The following SAMMSON variants were observed in gnomAD, a reference collection of about 807,000 sequenced individuals.
The protein encoded by SAMMSON is long intergenic non-protein coding RNA 1212.
intron 9 of SAMMSON, among the ~76,000 whole-genome samples, chr3:70,388,905 G>A (rs909145320): frequency 2.0e-5 from 3 of 152,098 alleles, no homozygotes; most frequent in African/African-American, 7.2e-5. Flanking sequence ...GTTGGGTCTA[G>A]TGGGAGGTGT....
intron 4 of SAMMSON, among the ~76,000 whole-genome samples, chr3:70,178,111 T>C (rs1701021897): frequency 6.6e-6 from 1 of 152,140 alleles, no homozygotes; most frequent in Non-Finnish European, 1.5e-5. Context: ...GCTGGGGATG[T>C]ATATCACCCC....
intron 9 of SAMMSON, among the ~76,000 whole-genome samples, chr3:70,372,830 C>T (rs1338706874): frequency 6.6e-6 from 1 of 152,150 alleles, no homozygotes; most frequent in Non-Finnish European, 1.5e-5. Flanking sequence ...CTAGCAGTTG[C>T]TCTAGCTGTG....
chr3:70,380,088 A>G (rs1703052581), intron 9 of SAMMSON, among the ~76,000 whole-genome samples: 1 of 152,128 alleles, frequency 6.6e-6, no homozygotes, highest in Non-Finnish European at 1.5e-5. Flanking sequence ...ACATTTATAT[A>G]AAGTGCTGGT....
intron 4 of SAMMSON, among the ~76,000 whole-genome samples, chr3:70,137,088 A>G (rs1424812559): frequency 6.6e-6 from 1 of 152,172 alleles, no homozygotes; most frequent in Admixed American, 6.6e-5. Context: ...CTCCCATCTT[A>G]CGTCCAATGG....
intron 1 of SAMMSON, among the ~76,000 whole-genome samples, chr3:70,003,835 T>C (rs984894817): frequency 6.6e-6 from 1 of 152,096 alleles, no homozygotes; most frequent in African/African-American, 2.4e-5. Flanking sequence ...CAAATTCTTC[T>C]AGTCTTTTAG....
chr3:70,283,284 G>A (rs1702106985), intron 6 of SAMMSON, among the ~76,000 whole-genome samples: 1 of 151,950 alleles, frequency 6.6e-6, no homozygotes, highest in Non-Finnish European at 1.5e-5. Context: ...ATTGCTTTTT[G>A]GTTGGTCTGT....
intron 6 of SAMMSON, among the ~76,000 whole-genome samples, chr3:70,270,688 A>G (rs1701967582): frequency 6.6e-6 from 1 of 152,166 alleles, no homozygotes; most frequent in Non-Finnish European, 1.5e-5. Context: ...AAAATACACC[A>G]TGGAATACTA....
chr3:70,023,941 CCA>C (rs1185982162), intron 3 of SAMMSON, among the ~76,000 whole-genome samples: 1 of 152,092 alleles, frequency 6.6e-6, no homozygotes, highest in East Asian at 1.9e-4. Context: ...CCCAGAATGC[CCA>C]CAGTTTTTCC....
intron 7 of SAMMSON, among the ~76,000 whole-genome samples, chr3:70,322,613 G>T (rs1237843009): frequency 6.6e-6 from 1 of 152,078 alleles, no homozygotes; most frequent in Non-Finnish European, 1.5e-5. Flanking sequence ...CTTAAAGCAG[G>T]ATATTTAAAT....
At chr3:70,075,882 G>GTTT (rs11456171) in intron 4 of SAMMSON, among the ~76,000 whole-genome samples, 146 of 140,320 alleles carry the variant, frequency 1.0e-3, no homozygotes, top group African/African-American at 2.5e-3. Context: ...TTCGATACCT[G>GTTT]TTTTTTTTTT....
At chr3:70,079,596 T>G (rs993786493) in intron 4 of SAMMSON, among the ~76,000 whole-genome samples, 1 of 152,188 alleles carries the variant, frequency 6.6e-6, no homozygotes, top group Admixed American at 6.5e-5. Flanking sequence ...TAAAATAGGC[T>G]TTGCGTTAGA....
At chr3:70,088,818 AT>A (rs928070556) in intron 4 of SAMMSON, among the ~76,000 whole-genome samples, 1 of 152,138 alleles carries the variant, frequency 6.6e-6, no homozygotes, top group Middle Eastern at 3.2e-3. Flanking sequence ...ATTGGTTATG[AT>A]TTTCTCTATA....
chr3:70,425,230 A>G (rs959486147), intron 2 of SAMMSON: 11 of 152,162 alleles, frequency 7.2e-5, no homozygotes, highest in African/African-American at 2.7e-4. Flanking sequence ...TTTGTCGAAT[A>G]AGAATATTAG....
chr3:70,332,631 T>C, intron 7 of SAMMSON: 1 of 152,478 alleles, frequency 6.6e-6, no homozygotes, highest in Non-Finnish European at 1.5e-5. Context: ...AGTCTCGCTC[T>C]GACCCCCAGG....
rs576783931 is a variant in SAMMSON, at chr3:70,019,847, T to C, written n.417+6175T>C. On this transcript the variant is annotated intron_variant and non_coding_transcript_variant, in intron 3 of 9. Coordinates refer to ENST00000642114, the Ensembl canonical transcript of SAMMSON. ...TTAACACATTCAAGGGCCTGAGAAG[T>C]CTTGCAGTAAGGAACCCTGTTTGGC... Among the ~76,000 whole-genome samples the C allele has an allele frequency of 2.6e-5, 4 of 152,258 alleles. No homozygotes were observed. The East Asian group carries it at 7.7e-4, about 29-fold the overall frequency.
chr3:70,166,202 A>G (rs1412802557), intron 4 of SAMMSON, among the ~76,000 whole-genome samples: 1 of 152,012 alleles, frequency 6.6e-6, no homozygotes, highest in Non-Finnish European at 1.5e-5. Flanking sequence ...GATATTAGGC[A>G]GGTCACTTAA....
rs929140682 is a variant in SAMMSON, at chr3:70,370,757, T to C, written n.913+12433T>C. Among the ~76,000 whole-genome samples, 5 of 152,098 alleles carry C rather than the reference T, an allele frequency of 3.3e-5. 1 individual carries two copies. In the South Asian group the frequency reaches 1.0e-3, roughly 31 times the overall value. On this transcript the variant is annotated intron_variant and non_coding_transcript_variant, in intron 9 of 9. Transcript: ENST00000642114. The stretch of plus-strand genomic sequence containing the variant: ...GATAGTTTGCAACTACTTTCTTTCA[T>C]TCAACAGGTTGTGTCTTCACTCTTA...
chr3:70,326,736 C>T (rs1702582519), intron 7 of SAMMSON, among the ~76,000 whole-genome samples: 1 of 152,086 alleles, frequency 6.6e-6, no homozygotes, highest in African/African-American at 2.4e-5. Context: ...TATTCAATTA[C>T]CCCATAAATA....
intron 4 of SAMMSON, among the ~76,000 whole-genome samples, chr3:70,109,316 G>A (rs1324309741): frequency 6.6e-6 from 1 of 151,890 alleles, no homozygotes; most frequent in East Asian, 1.9e-4. Flanking sequence ...TACCATTCCC[G>A]GAGCTCTCCT....
Sources: allele counts gnomAD v4.1 joint callset (sites outside exome capture counted in the v4.1 genomes callset), GRCh38; gene constraint gnomAD v4.1.1; transcripts MANE v1.5; gene names NCBI Gene and HGNC (gene_info 2026-07-23, HGNC 2026-07-21).